PODXL2: variants seen among roughly 807,000 people sequenced by gnomAD.
PODXL2 encodes podocalyxin like 2, also known as podocalyxin-like protein 2.
A neutral mutation model predicts 53.4 loss-of-function variants in PODXL2; 17 were observed. That is an observed-to-expected ratio of 0.32 (90% CI 0.22 to 0.48). PODXL2 has a LOEUF of 0.48. Ranked by LOEUF, PODXL2 falls within the 20% of genes least tolerant of loss-of-function variation. The pLI is 0.99. For synonymous variants in PODXL2, 311 were observed against 306.7 expected (o/e 1.01, Z -0.15); for missense variants, 673 against 760.0 (o/e 0.89, Z 1.35).
chr3:127,636,670 G>A (rs2074580004), intron 1 of PODXL2, among the ~76,000 whole-genome samples: 1 of 152,248 alleles, frequency 6.6e-6, no homozygotes, highest in African/African-American at 2.4e-5. Flanking sequence ...GCCTAGGACA[G>A]CAGAAGACAT....
chr3:127,649,845 G>A (rs879360785), intron 2 of PODXL2, among the ~76,000 whole-genome samples: 3 of 152,206 alleles, frequency 2.0e-5, no homozygotes, highest in Non-Finnish European at 4.4e-5. Flanking sequence ...GCTGAAGCAG[G>A]AGAATTGCTT....
rs990983297 is a variant in PODXL2, at chr3:127,668,667, G to A, written c.1363+70G>A. ...GGCGGGCGGCCCCTGAGGGTCACGGGAAAAAAGTGCACGCATAAGGGCTTT... is the reference window on the plus strand; with the variant it reads ...GGCGGGCGGCCCCTGAGGGTCACGGAAAAAAAGTGCACGCATAAGGGCTTT... On this transcript the variant is annotated intron_variant, in intron 5 of 7. Transcript: ENST00000342480. 9.5e-6 allele frequency: 13 copies of A among 1,372,650 alleles called. No individual in the cohort carries two copies. The East Asian group carries it at 3.5e-4, about 37-fold the overall frequency. The allele number at this position is 1,372,650 out of a possible 1,614,324, so 85.0% of individuals were successfully genotyped here. A position where few individuals can be genotyped will look rare whatever the true frequency, so the allele number is the denominator to read the frequency against.
intron 2 of PODXL2, among the ~76,000 whole-genome samples, chr3:127,657,135 G>A (rs897591804): frequency 2.0e-5 from 3 of 152,158 alleles, no homozygotes; most frequent in Non-Finnish European, 4.4e-5. Flanking sequence ...TCATGCTGCC[G>A]ACAGCGTGAC....
intron 2 of PODXL2, among the ~76,000 whole-genome samples, chr3:127,650,327 A>G (rs577386365): frequency 1.8e-4 from 28 of 152,288 alleles, no homozygotes; most frequent in African/African-American, 6.5e-4. Flanking sequence ...AAAATGATCT[A>G]TTTAGGGAAC....
chr3:127,653,312 C>T (rs1382005272), intron 2 of PODXL2, among the ~76,000 whole-genome samples: 1 of 152,172 alleles, frequency 6.6e-6, no homozygotes, highest in East Asian at 1.9e-4. Context: ...TTTCTATTCC[C>T]CTCTTGACAG....
At chr3:127,650,696 G>A (rs938318425) in intron 2 of PODXL2, among the ~76,000 whole-genome samples, 2 of 151,930 alleles carry the variant, frequency 1.3e-5, no homozygotes, top group East Asian at 1.9e-4. Context: ...TTGCTCTGTC[G>A]CCCAGGCTGG....
chr3:127,653,077 A>G (rs568976164), intron 2 of PODXL2, among the ~76,000 whole-genome samples: 14 of 151,758 alleles, frequency 9.2e-5, no homozygotes, highest in Admixed American at 6.6e-5. Context: ...TCCATTCCCA[A>G]TTTGATCCTT....
intron 2 of PODXL2, 91 bp downstream of exon 2, chr3:127,639,614 C>G (rs2074601711): frequency 1.7e-6 from 2 of 1,207,796 alleles, no homozygotes; most frequent in East Asian, 2.3e-5. Context: ...AGAAGCATCT[C>G]TTCTCTCTCC....
intron 2 of PODXL2, among the ~76,000 whole-genome samples, chr3:127,649,440 T>A (rs1324060136): frequency 6.6e-6 from 1 of 152,220 alleles, no homozygotes; most frequent in African/African-American, 2.4e-5. Context: ...GTTCAGAATA[T>A]TTGTCTTTAA....
intron 2 of PODXL2, among the ~76,000 whole-genome samples, chr3:127,650,025 A>G (rs1002649411): frequency 2.0e-5 from 3 of 152,220 alleles, no homozygotes; most frequent in African/African-American, 2.4e-5. Flanking sequence ...GAGTGTTTTT[A>G]TATTAACACT....
At chr3:127,637,735 C>G (rs954193874) in intron 1 of PODXL2, among the ~76,000 whole-genome samples, 2 of 152,208 alleles carry the variant, frequency 1.3e-5, no homozygotes, top group Non-Finnish European at 2.9e-5. Flanking sequence ...TCCACACAAC[C>G]CAGAATACAC....
chr3:127,672,458 T>C lies in PODXL2; in HGVS notation c.1796T>C (p.Phe599Ser). The change falls in exon 8 of 8, where the codon TTC becomes TCC. Residue 599 changes from phenylalanine (F) to serine (S), a missense_variant. Transcript: ENST00000342480. Reference protein sequence around the residue: ...GKRDPEDSDVFEEDTHL With the variant: ...GKRDPEDSDVSEEDTHL ...CGGGACCCCGAGGACTCGGACGTGT[T>C]CGAGGAGGACACGCACCTGTGAGCG... The C allele has an allele frequency of 6.5e-7, 1 of 1,531,140 alleles. No homozygotes were observed. The highest frequency in any genetic ancestry group is 2.0e-5 in the Admixed American group (1 of 50,310). 94.8% of individuals were successfully genotyped at this position (1,531,140 alleles called of 1,614,324 possible). A position where few individuals can be genotyped will look rare whatever the true frequency, so the allele number is the denominator to read the frequency against.
intron 2 of PODXL2, among the ~76,000 whole-genome samples, chr3:127,644,272 G>A (rs2074639344): frequency 6.6e-6 from 1 of 152,008 alleles, no homozygotes; most frequent in Non-Finnish European, 1.5e-5. Context: ...ACCATGCCCA[G>A]CTAATTTTTG....
intron 6 of PODXL2, among the ~76,000 whole-genome samples, chr3:127,670,338 C>G (rs2074824423): frequency 6.6e-6 from 1 of 152,222 alleles, no homozygotes; most frequent in African/African-American, 2.4e-5. Flanking sequence ...CACCACACTG[C>G]TCTACTGCCT....
chr3:127,654,135 A>G (rs1288791551), intron 2 of PODXL2, among the ~76,000 whole-genome samples: 5 of 152,138 alleles, frequency 3.3e-5, no homozygotes, highest in Admixed American at 3.3e-4. Context: ...TTTAGTCCGC[A>G]TGTCTCTTTT....
rs56336491 is a variant in PODXL2, at chr3:127,659,959, A to T, written c.350-419A>T. On this transcript the variant is annotated intron_variant, in intron 2 of 7. Transcript: ENST00000342480. Reference sequence around the variant, plus strand: ...CTCCTTCGGGGACTCCACCAAGAAGACTCTTATAACGACTCACTAGAAAAG... The same window carrying T: ...CTCCTTCGGGGACTCCACCAAGAAGTCTCTTATAACGACTCACTAGAAAAG... 4.5e-3 allele frequency among the ~76,000 whole-genome samples: 682 copies of T among 152,192 alleles called. 13 individuals are homozygous for T. Among genetic ancestry groups the T allele is most frequent in the African/African-American group, 0.015 (642 of 41,512 alleles).
intron 4 of PODXL2, among the ~76,000 whole-genome samples, chr3:127,663,347 T>G (rs142099070): frequency 3.0e-4 from 45 of 152,358 alleles, no homozygotes; most frequent in African/African-American, 1.1e-3. Context: ...CTTTAGAGTT[T>G]GCTAAATTAG....
chr3:127,650,719 C>T (rs374208840), intron 2 of PODXL2, among the ~76,000 whole-genome samples: 2 of 152,048 alleles, frequency 1.3e-5, no homozygotes, highest in African/African-American at 2.4e-5. Context: ...TGCAGTGGTG[C>T]GATCTCGGCT....
chr3:127,654,281 C>G (rs2074707942), intron 2 of PODXL2, among the ~76,000 whole-genome samples: 1 of 152,222 alleles, frequency 6.6e-6, no homozygotes, highest in South Asian at 2.1e-4. Flanking sequence ...TGGTCAGATT[C>G]AGGCTCTGCA....
Sources: allele counts gnomAD v4.1 joint callset (sites outside exome capture counted in the v4.1 genomes callset), GRCh38; gene constraint gnomAD v4.1.1; transcripts MANE v1.5; gene names NCBI Gene and HGNC (gene_info 2026-07-23, HGNC 2026-07-21).